Variants in CCDC188 observed in about 807,000 individuals in gnomAD.
CCDC188 encodes coiled-coil domain containing 188.
CCDC188 carries 37 observed loss-of-function variants against 50.7 expected under a neutral mutation model. That is an observed-to-expected ratio of 0.73 (90% CI 0.56 to 0.96). CCDC188 has a LOEUF of 0.96. Ranked by LOEUF, CCDC188 falls within the 40% of genes least tolerant of loss-of-function variation. The probability of loss-of-function intolerance (pLI) is 0.00; values close to 1 mark genes in which losing one functional copy is unlikely to be tolerated. For missense variants in CCDC188, 453 were observed against 512.9 expected (o/e 0.88, Z 1.13); for synonymous variants, 208 against 228.0 (o/e 0.91, Z 0.79).
Position 20,150,682 on chromosome 22 carries a change from C to T in CCDC188, c.305G>A (p.Gly102Glu). 1.3e-6 allele frequency: 2 copies of T among 1,549,676 alleles called. No homozygotes were observed. Among genetic ancestry groups the T allele is most frequent in the Non-Finnish European group, 8.7e-7 (1 of 1,146,516 alleles). ...PRQGDLEAGL[G>E]WGWPLHPGSN... ...CCCTGGGTGCAGGGGCCAGCCCCACCCAAGCCCTGCCTCCAGGTCTCCTTG... is the reference window on the plus strand; with the variant it reads ...CCCTGGGTGCAGGGGCCAGCCCCACTCAAGCCCTGCCTCCAGGTCTCCTTG... Residue 102 changes from glycine to glutamate, a missense_variant, in exon 1 of 9, where the codon GGG (glycine) becomes GAG (glutamate). Physicochemically the swap from Gly to Glu is moderately conservative, Grantham distance 98. Transcript: ENST00000439765.
rs1242341096 is a variant in CCDC188 at position 20,148,719 on chromosome 22, G to A, written c.1104C>T (p.Phe368=). The change falls in exon 9 of 9, where the codon TTC becomes TTT. Residue 368 remains phenylalanine (F), a synonymous_variant. Coordinates refer to ENST00000439765, the MANE Select transcript of CCDC188 (RefSeq NM_001365892.2). The stretch of plus-strand genomic sequence containing the variant: ...TCAGCAGGGGTGGCACCAGCCCCTC[G>A]AAAGGTGTGGGGTTCACCACGTACA... ...AYVYVVNPTP[F]EGLVPPLLSR... 8.5e-6 allele frequency: 13 copies of A among 1,532,856 alleles called. No individual in the cohort carries two copies. Among genetic ancestry groups the A allele is most frequent in the Admixed American group, 2.1e-5 (1 of 48,432 alleles). The allele number at this position is 1,532,856 out of a possible 1,614,324, so 95.0% of individuals were successfully genotyped here. A position where few individuals can be genotyped will look rare whatever the true frequency, so the allele number is the denominator to read the frequency against.
chr22:20,148,701 G>C lies in CCDC188; in HGVS notation c.1122C>G (p.Pro374=). ...TCCAGACGGTGGCACGGCTCAGCAG[G>C]GGTGGCACCAGCCCCTCGAAAGGTG... ...NPTPFEGLVP[P]LLSRATVWKL... The change falls in exon 9 of 9, where the codon CCC becomes CCG. Residue 374 remains proline, a synonymous_variant. Transcript: ENST00000439765. 6.5e-7 allele frequency: 1 copy of C among 1,542,266 alleles called. No homozygotes were observed. The highest frequency in any genetic ancestry group is 8.7e-7 in the Non-Finnish European group (1 of 1,143,182).
At position 20,148,658 on chromosome 22, in the gene CCDC188, C is replaced by T. The variant is rs1225677236; in HGVS notation, c.1165G>A (p.Asp389Asn). 19 of 1,547,512 alleles carry T rather than the reference C, an allele frequency of 1.2e-5. No individual in the cohort carries two copies. Among genetic ancestry groups the T allele is most frequent in the Non-Finnish European group, 1.6e-5 (18 of 1,145,850 alleles). Residue 389 changes from aspartate (D) to asparagine (N), a missense_variant, in exon 9 of 9, where the codon GAC becomes AAC. By Grantham distance (23) the Asp-to-Asn change is conservative. Transcript: ENST00000439765. ...TCCACTTTGAGGCGCAGGAAGGGGT[C>T]CAGCAGGGCCCGGAGCTTCCAGACG... ...ATVWKLRALL[D>N]PFLRLKVDGF...
In CCDC188 at chr22:20,150,128, G is replaced by A. The variant is rs2050598020; in HGVS notation, c.627+15C>T. The A allele has an allele frequency of 2.6e-6, 4 of 1,542,176 alleles. No individual in the cohort carries two copies. Among genetic ancestry groups the A allele is most frequent in the Non-Finnish European group, 3.5e-6 (4 of 1,140,864 alleles). ...GGGGCGTTGGCTGCATGGGGTCCCT[G>A]GGCCCTGTATTTACCCAGGCCAGAG... On this transcript the variant is annotated intron_variant, in intron 2 of 8. Coordinates refer to ENST00000439765, the MANE Select transcript of CCDC188 (RefSeq NM_001365892.2).
chr22:20,149,264 A>C lies in CCDC188; in HGVS notation c.915-20T>G. The C allele has an allele frequency of 6.6e-7, 1 of 1,512,702 alleles. No homozygotes were observed. The highest frequency in any genetic ancestry group is 1.3e-5 in the South Asian group (1 of 78,030). The allele number at this position is 1,512,702 out of a possible 1,614,324, so 93.7% of individuals were successfully genotyped here. Reference sequence around the variant, plus strand: ...CGCTCCCTGCGGGGGCCTCACTGTCAGGACCCCACACCCTCCACCCCCAGC... The same window carrying C: ...CGCTCCCTGCGGGGGCCTCACTGTCCGGACCCCACACCCTCCACCCCCAGC... On this transcript the variant is annotated intron_variant, in intron 6 of 8. Transcript: ENST00000439765.
At position 20,148,904 on chromosome 22, in the gene CCDC188, TC is replaced by T; in HGVS notation, c.992del (p.Gly331GlufsTer13). On this transcript the variant is annotated frameshift_variant, in exon 8 of 9. Transcript: ENST00000439765. LOFTEE classifies it high-confidence loss of function. ...GCTGGCCTGCCAGGCCCTTGGAGCTTCCCAGCTTTGGCCTCCCTTTCTGTCG... is the reference window on the plus strand; with the variant it reads ...GCTGGCCTGCCAGGCCCTTGGAGCTTCCAGCTTTGGCCTCCCTTTCTGTCG... ...ASMSKGRPKL[G>X]SSKGLAGQLW... 1 of 1,515,820 alleles carries T rather than the reference TC, an allele frequency of 6.6e-7. No homozygotes were observed. 93.9% of individuals were successfully genotyped at this position (1,515,820 alleles called of 1,614,324 possible).
chr22:20,149,519 C>T (rs1212751575), intron 5 of CCDC188, 43 bp from the exon 6 acceptor site: 1 of 1,549,954 alleles, frequency 6.5e-7, no homozygotes, highest in East Asian at 2.4e-5. Flanking sequence ...CCTCGCCCCG[C>T]CCTCCGTGGC....
chr22:20,149,128 A>T (rs113521702), intron 7 of CCDC188, 59 bp downstream of exon 7: 216,559 of 1,366,130 alleles, frequency 0.16, 18,835 homozygotes, highest in South Asian at 0.18. Flanking sequence ...CTCTCGCCCA[A>T]GCAGGGCCCT....
In CCDC188 at chr22:20,150,242, C is replaced by T; in HGVS notation, c.528G>A (p.Gln176=). The part of the protein sequence containing the change: ...LEQENHSLKR[Q]NQELREQLGA... Reference sequence around the variant, plus strand: ...CCAGCTGCTCCCGAAGTTCCTGATTCTGCCTTTTCTGGGGTGGGGGGCAGA... The same window carrying T: ...CCAGCTGCTCCCGAAGTTCCTGATTTTGCCTTTTCTGGGGTGGGGGGCAGA... The change falls in exon 2 of 9, where the codon CAG becomes CAA. Residue 176 remains glutamine, a synonymous_variant. Coordinates refer to ENST00000439765, the MANE Select transcript of CCDC188 (RefSeq NM_001365892.2). 6.5e-7 allele frequency: 1 copy of T among 1,546,310 alleles called. No individual in the cohort carries two copies. The highest frequency in any genetic ancestry group is 8.7e-7 in the Non-Finnish European group (1 of 1,144,874).
intron 6 of CCDC188, 84 bp from the exon 7 acceptor site, chr22:20,149,328 G>T (rs1772115365): frequency 6.5e-7 from 1 of 1,545,478 alleles, no homozygotes; most frequent in Admixed American, 2.0e-5. Context: ...TGGAGGTGGG[G>T]GGTCAAGGAT....
chr22:20,149,073 C>T (rs559061229), intron 7 of CCDC188, 114 bp downstream of exon 7: 75 of 1,263,562 alleles, frequency 5.9e-5, no homozygotes, highest in African/African-American at 2.9e-4. Context: ...GCCACTTTTC[C>T]GATGCCCCCT....
In CCDC188 at chr22:20,150,256, G is replaced by A. The variant is rs1271005592; in HGVS notation, c.520-6C>T. 1.3e-6 allele frequency: 2 copies of A among 1,541,264 alleles called. No individual in the cohort carries two copies. Among genetic ancestry groups the A allele is most frequent in the African/African-American group, 1.4e-5 (1 of 72,628 alleles). On this transcript the variant is annotated splice_region_variant and splice_polypyrimidine_tract_variant and intron_variant, in intron 1 of 8. Transcript: ENST00000439765. ...AGTTCCTGATTCTGCCTTTTCTGGG[G>A]TGGGGGGCAGAGAGAGGGGGCTGCC...
chr22:20,149,320 G>C, intron 6 of CCDC188, 76 bp from the exon 7 acceptor site: 2 of 1,545,982 alleles, frequency 1.3e-6, no homozygotes, highest in East Asian at 2.4e-5. Context: ...CGGTGCTGTG[G>C]AGGTGGGGGG....
rs765712997 is a variant in CCDC188 at position 20,150,779 on chromosome 22, C to T, written c.208G>A (p.Val70Met). 5.4e-5 allele frequency: 83 copies of T among 1,549,938 alleles called. No homozygotes were observed. In the African/African-American group the frequency reaches 1.0e-3, roughly 19 times the overall value. Residue 70 changes from valine (V) to methionine (M), a missense_variant, in exon 1 of 9, where the codon GTG becomes ATG. By Grantham distance (21) the Val-to-Met change is conservative. Coordinates refer to ENST00000439765, the MANE Select transcript of CCDC188 (RefSeq NM_001365892.2). ...VPGAGGSGPT[V>M]EGEAPGLFLS... ...AAGAGCCCGGGAGCCTCGCCCTCCA[C>T]TGTGGGCCCACTGCCCCCTGCCCCT...
chr22:20,149,588 C>T lies in CCDC188; in HGVS notation c.842G>A (p.Gly281Glu), dbSNP rs1218730852. Reference protein sequence around the residue: ...MHMALNNQATGLLNLKKDIRG... With the variant: ...MHMALNNQATELLNLKKDIRG... ...TGCCCTGTGGGGACCTACCAGGAGC[C>T]CGGTGGCCTGGTTGTTCAGGGCCAT... The change falls in exon 5 of 9, where the codon GGG becomes GAG. Residue 281 changes from glycine (G) to glutamate (E), a missense_variant. By Grantham distance (98) the Gly-to-Glu change is moderately conservative. Coordinates refer to ENST00000439765, the MANE Select transcript of CCDC188 (RefSeq NM_001365892.2). 2.6e-6 allele frequency: 4 copies of T among 1,550,086 alleles called. No individual in the cohort carries two copies. Among genetic ancestry groups the T allele is most frequent in the East Asian group, 2.4e-5 (1 of 40,910 alleles).
Position 20,149,799 on chromosome 22 carries a change from A to T in CCDC188, c.733-19T>A. ...GCTCGTTCTGAGGGTGGGGCCCAGG[A>T]TGGGCTTGGGCAGCATCAGCAGGGT... On this transcript the variant is annotated intron_variant, in intron 3 of 8. Coordinates refer to ENST00000439765, the MANE Select transcript of CCDC188 (RefSeq NM_001365892.2). 7.3e-7 allele frequency: 1 copy of T among 1,370,616 alleles called. No homozygotes were observed. Among genetic ancestry groups the T allele is most frequent in the Non-Finnish European group, 9.9e-7 (1 of 1,010,216 alleles). The allele number at this position is 1,370,616 out of a possible 1,614,324, so 84.9% of individuals were successfully genotyped here.
chr22:20,150,531 C>G lies in CCDC188; in HGVS notation c.456G>C (p.Gln152His), dbSNP rs1316756412. ...GTTCTGCAGAGCCCAGCAGCCCGCA[C>G]TGAAGCTGGGACAGGGCTACCCTGG... Reference protein sequence around the residue: ...ASPRVALSQLQCGLLGSAEQS... With the variant: ...ASPRVALSQLHCGLLGSAEQS... Residue 152 changes from glutamine (Q) to histidine (H), a missense_variant, in exon 1 of 9, where the codon CAG becomes CAC. Gln to His is a conservative substitution (Grantham distance 24). Transcript: ENST00000439765. 72 of 1,549,348 alleles carry G rather than the reference C, an allele frequency of 4.6e-5. No individual in the cohort carries two copies. Among genetic ancestry groups the G allele is most frequent in the Non-Finnish European group, 5.6e-5 (64 of 1,146,604 alleles).
chr22:20,148,974 G>A, intron 7 of CCDC188, 50 bp from the exon 8 acceptor site: 1 of 1,442,920 alleles, frequency 6.9e-7, no homozygotes. Context: ...CCAGGCTGAG[G>A]GCAGGGATCC....
intron 8 of CCDC188, 29 bp from the exon 9 acceptor site, chr22:20,148,829 G>A: frequency 6.8e-7 from 1 of 1,462,132 alleles, no homozygotes; most frequent in Non-Finnish European, 9.1e-7. Context: ...AGGGGCAGGG[G>A]CGCGCGGGGG....
Sources: allele counts gnomAD v4.1 joint callset, GRCh38; gene constraint gnomAD v4.1.1; transcripts MANE v1.5; gene names NCBI Gene and HGNC (gene_info 2026-07-23, HGNC 2026-07-21).